Variants in CELF3 observed in about 807,000 individuals in gnomAD.
CELF3 encodes the protein CUGBP Elav-like family member 3, also known as CAG repeat domain.
CELF3 carries 26 observed loss-of-function variants against 59.6 expected under a neutral mutation model. That is an observed-to-expected ratio of 0.44 (90% CI 0.32 to 0.61). The LOEUF is 0.61. Among genes scored for constraint, CELF3 ranks in the 20% least tolerant of loss-of-function variants. CELF3 has a pLI of 0.06. For missense variants in CELF3, 387 were observed against 627.2 expected (o/e 0.62, Z 4.09); for synonymous variants, 245 against 250.7 (o/e 0.98, Z 0.22).
At chr1:151,714,832 C>A (rs1300588035) in intron 1 of CELF3, among the ~76,000 whole-genome samples, 156 bp from the exon 2 acceptor site, 1 of 152,006 alleles carries the variant, frequency 6.6e-6, no homozygotes, top group Non-Finnish European at 1.5e-5. Flanking sequence ...GGGGTAGACT[C>A]TCTGCCCCAG....
At chr1:151,706,641 A>C in intron 9 of CELF3, 28 bp downstream of exon 9, 1 of 1,550,028 alleles carries the variant, frequency 6.5e-7, no homozygotes, top group South Asian at 1.2e-5. Context: ...CTCCCACCTG[A>C]GCAGGGGCCC....
At chr1:151,708,199 C>T (rs149824887) in intron 5 of CELF3, 14 of 434,254 alleles carry the variant, frequency 3.2e-5, no homozygotes, top group Non-Finnish European at 5.3e-5. Context: ...AAAAGGGCAT[C>T]ATTGGCTACT....
chr1:151,707,988 C>T lies in CELF3; in HGVS notation c.487-53G>A, dbSNP rs1204756013. ...AGGTGCAGGGTCAGGGTCTCTCCTC[C>T]CCAAAGCCCTCAGGACCTGGTCTCC... is the stretch of plus-strand genomic sequence containing the variant. On this transcript the variant is annotated intron_variant, in intron 5 of 12. Coordinates refer to ENST00000290583, the MANE Select transcript of CELF3 (RefSeq NM_007185.7). 5 of 1,557,020 alleles carry T rather than the reference C, an allele frequency of 3.2e-6. No homozygotes were observed. The African/African-American group carries it at 4.1e-5, about 13-fold the overall frequency.
chr1:151,709,197 G>A lies in CELF3; in HGVS notation c.406+23C>T, dbSNP rs757960864. On this transcript the variant is annotated intron_variant, in intron 4 of 12. Transcript: ENST00000290583. The surrounding 1 kb of genome is among the most constrained non-coding windows in gnomAD (Gnocchi z 4.9). ...ACAGGAAGGGGAAGGGCCCGGTGGG[G>A]AAGGGGGAAGTGGGTGGACTACCTT... is the stretch of plus-strand genomic sequence containing the variant. 1.2e-6 allele frequency: 2 copies of A among 1,611,586 alleles called. No homozygotes were observed. The highest frequency in any genetic ancestry group is 1.7e-4 in the Middle Eastern group (1 of 6,048).
chr1:151,707,784 G>C lies in CELF3; in HGVS notation c.630+8C>G. ...GAGGGCTGGCCCGGCATCAGGGGCA[G>C]TGCTCACGGCCTGGGTGTAGGCGCT... is the stretch of plus-strand genomic sequence containing the variant. On this transcript the variant is annotated splice_region_variant and intron_variant, in intron 6 of 12. Transcript: ENST00000290583. The C allele has an allele frequency of 6.2e-7, 1 of 1,610,944 alleles. No individual in the cohort carries two copies. The highest frequency in any genetic ancestry group is 8.5e-7 in the Non-Finnish European group (1 of 1,177,568).
chr1:151,716,175 C>T lies in CELF3; in HGVS notation c.-155G>A. On this transcript the variant is annotated 5_prime_UTR_variant, in exon 1 of 13. Coordinates refer to ENST00000290583, the MANE Select transcript of CELF3 (RefSeq NM_007185.7). ...ACCACGCTGCTAAGCAGAGGGGCGG[C>T]TCTTCACACAAAGGAGGCCCAGGGA... 1.4e-6 allele frequency: 1 copy of T among 713,326 alleles called. No individual in the cohort carries two copies. Among genetic ancestry groups the T allele is most frequent in the Non-Finnish European group, 2.2e-6 (1 of 446,734 alleles). 44.2% of individuals were successfully genotyped at this position (713,326 alleles called of 1,614,324 possible).
At chr1:151,710,579 G>A (rs2101464844) in intron 2 of CELF3, 2 of 453,708 alleles carry the variant, frequency 4.4e-6, no homozygotes, top group Non-Finnish European at 4.4e-6. Context: ...GGCTTGCAGA[G>A]CAGGCCCTGC....
At chr1:151,711,965 A>G (rs559354902) in intron 2 of CELF3, 1 of 152,368 alleles carries the variant, frequency 6.6e-6, no homozygotes, top group African/African-American at 2.4e-5. Flanking sequence ...GAGACACACA[A>G]GTGTACAGAC....
At position 151,709,153 on chromosome 1, in the gene CELF3, A is replaced by AGGG. The variant is rs908517598; in HGVS notation, c.406+64_406+66dup. The AGGG allele has an allele frequency of 6.7e-5, 107 of 1,605,766 alleles. No homozygotes were observed. The highest frequency in any genetic ancestry group is 8.8e-5 in the Non-Finnish European group (103 of 1,173,644). On this transcript the variant is annotated intron_variant, in intron 4 of 12. Transcript: ENST00000290583. The surrounding 1 kb of genome is among the most constrained non-coding windows in gnomAD (Gnocchi z 4.9). ...GACCCCGCGGTGGAACCCGATGCCT[A>AGGG]GGGAGTCTTGGGGGTGGAACAGGAA... is the stretch of plus-strand genomic sequence containing the variant.
At chr1:151,707,110 T>C in intron 8 of CELF3, 35 bp downstream of exon 8, 1 of 1,451,730 alleles carries the variant, frequency 6.9e-7, no homozygotes, top group Non-Finnish European at 9.1e-7. Context: ...GTTTAGATGG[T>C]TGCTGGGACG....
intron 12 of CELF3, among the ~76,000 whole-genome samples, chr1:151,704,092 C>T (rs896811717): frequency 1.3e-5 from 2 of 152,102 alleles, no homozygotes; most frequent in Non-Finnish European, 2.9e-5. Context: ...AACAAACAAT[C>T]GGCTCCAAAG....
At position 151,704,684 on chromosome 1, in the gene CELF3, GGAAAACCA is replaced by G. The variant is rs568716992; in HGVS notation, c.*10+339_*10+346del. Among the ~76,000 whole-genome samples, 116 of 152,208 alleles carry G rather than the reference GGAAAACCA, an allele frequency of 7.6e-4. 2 individuals are homozygous for G. In the East Asian group the frequency reaches 0.015, roughly 19 times the overall value. On this transcript the variant is annotated intron_variant, in intron 12 of 12. Transcript: ENST00000290583. ...TCCCCTAATTCCACTCTAACCCGAA[GGAAAACCA>G]GAAAGAGACACACACAGACATGGAC... is the stretch of plus-strand genomic sequence containing the variant.
chr1:151,706,439 C>T, intron 9 of CELF3, 78 bp from the exon 10 acceptor site: 1 of 1,434,714 alleles, frequency 7.0e-7, no homozygotes, highest in Non-Finnish European at 9.4e-7. Context: ...GTCTCCCTTC[C>T]CCTAGCCCAG....
Position 151,705,228 on chromosome 1 carries a change from G to T in CELF3, c.1271-60C>A. ...CCACCTCGCTCTTCCGTGCTTAGGA[G>T]ACCTCTGGCACTACCCTGTGTCTCC... On this transcript the variant is annotated intron_variant, in intron 11 of 12. Coordinates refer to ENST00000290583, the MANE Select transcript of CELF3 (RefSeq NM_007185.7). The surrounding 1 kb of genome is among the most constrained non-coding windows in gnomAD (Gnocchi z 5.1). 6.4e-7 allele frequency: 1 copy of T among 1,552,682 alleles called. No homozygotes were observed. The highest frequency in any genetic ancestry group is 1.2e-5 in the South Asian group (1 of 82,986).
intron 2 of CELF3, chr1:151,710,990 G>A: frequency 1.9e-5 from 7 of 374,188 alleles, no homozygotes; most frequent in South Asian, 1.2e-4. Context: ...TGATGGTGGG[G>A]CAGTAGTTCC....
chr1:151,710,199 G>A (rs1203499468), intron 2 of CELF3: 3 of 257,180 alleles, frequency 1.2e-5, no homozygotes, highest in African/African-American at 6.6e-5. Context: ...GCCCCAAGGA[G>A]GACTCTAGAC....
rs1336247134 is a variant in CELF3, at chr1:151,700,398, CTG to C, written c.*3059_*3060del. Among the ~76,000 whole-genome samples the C allele has an allele frequency of 6.6e-6, 1 of 152,164 alleles. No homozygotes were observed. Among genetic ancestry groups the C allele is most frequent in the Non-Finnish European group, 1.5e-5 (1 of 68,028 alleles). On this transcript the variant is annotated 3_prime_UTR_variant, in exon 13 of 13. Coordinates refer to ENST00000290583, the MANE Select transcript of CELF3 (RefSeq NM_007185.7). ...TTATTGAGCCGTTATGTGCCAGACA[CTG>C]TAGTAACTGGGAATGAAAAGACATG...
chr1:151,704,129 C>T (rs1007067270), intron 12 of CELF3, among the ~76,000 whole-genome samples: 1 of 152,008 alleles, frequency 6.6e-6, no homozygotes, highest in African/African-American at 2.4e-5. Flanking sequence ...ATGCAACTTA[C>T]AGGGGCCCGG....
chr1:151,706,463 G>A (rs1342668253), intron 9 of CELF3, 102 bp from the exon 10 acceptor site: 1 of 1,304,284 alleles, frequency 7.7e-7, no homozygotes, highest in Non-Finnish European at 1.1e-6. Flanking sequence ...AGTGGCACCT[G>A]CAGGGCTGAG....
Sources: allele counts gnomAD v4.1 joint callset (sites outside exome capture counted in the v4.1 genomes callset), GRCh38; gene constraint gnomAD v4.1.1; non-coding constraint Gnocchi (gnomAD v3.1); transcripts MANE v1.5; gene names NCBI Gene and HGNC (gene_info 2026-07-23, HGNC 2026-07-21).